PARVB: variants seen among roughly 807,000 people sequenced by gnomAD.
The protein encoded by PARVB is parvin beta, also known as beta-parvin.
PARVB carries 46 observed loss-of-function variants against 47.0 expected under a neutral mutation model. The ratio of observed to expected loss-of-function variants is 0.98; its 90% confidence interval spans 0.77 to 1.25. The LOEUF (loss-of-function observed/expected upper bound fraction) is 1.25. Ranked by LOEUF, PARVB falls within the 50% of genes most tolerant of loss-of-function variation. The probability of loss-of-function intolerance (pLI) is 0.00; values close to 1 mark genes in which losing one functional copy is unlikely to be tolerated. For missense variants in PARVB, 473 were observed against 471.6 expected (o/e 1.00, Z -0.03); for synonymous variants, 196 against 196.3 (o/e 1.00, Z 0.01).
chr22:44,147,958 C>A lies in PARVB; in HGVS notation c.774+36C>A, dbSNP rs763967597. The A allele has an allele frequency of 1.8e-5, 28 of 1,575,066 alleles. No individual in the cohort carries two copies. The Admixed American group carries it at 4.0e-4, about 23-fold the overall frequency. On this transcript the variant is annotated intron_variant, in intron 9 of 12. Coordinates refer to ENST00000338758, the MANE Select transcript of PARVB (RefSeq NM_013327.5). The stretch of plus-strand genomic sequence containing the variant: ...GGTGGGATGTTGGATGTGCTCTCCC[C>A]TGGCTCGCGGCTTTTTGACAGCACA...
intron 1 of PARVB, among the ~76,000 whole-genome samples, chr22:44,087,715 A>G (rs2052057886): frequency 6.6e-6 from 1 of 152,164 alleles, no homozygotes; most frequent in Non-Finnish European, 1.5e-5. Flanking sequence ...GATTAAAAAA[A>G]AAAAAATCAA....
intron 3 of PARVB, among the ~76,000 whole-genome samples, chr22:44,118,161 A>G (rs2052954303): frequency 6.6e-6 from 1 of 152,224 alleles, no homozygotes; most frequent in Admixed American, 6.5e-5. Flanking sequence ...AACCGAAATA[A>G]CCATCAACCA....
chr22:44,154,077 C>T (rs1198117298), intron 10 of PARVB, among the ~76,000 whole-genome samples: 1 of 152,228 alleles, frequency 6.6e-6, no homozygotes, highest in Non-Finnish European at 1.5e-5. Flanking sequence ...ACTGCTCCCC[C>T]ACATCCATAC....
chr22:44,157,063 G>C (rs565663999), intron 10 of PARVB, among the ~76,000 whole-genome samples: 2 of 152,340 alleles, frequency 1.3e-5, no homozygotes, highest in South Asian at 4.1e-4. Flanking sequence ...AAATAAGTTA[G>C]CAACATTCAA....
intron 10 of PARVB, among the ~76,000 whole-genome samples, chr22:44,154,542 T>TGTGG: frequency 6.7e-6 from 1 of 150,116 alleles, no homozygotes; most frequent in South Asian, 2.1e-4. Flanking sequence ...TGGGTGTGTG[T>TGTGG]GTGTGTGTGT....
At chr22:44,158,354 C>T (rs186082652) in intron 11 of PARVB, among the ~76,000 whole-genome samples, 11 of 152,318 alleles carry the variant, frequency 7.2e-5, no homozygotes, top group African/African-American at 9.6e-5. Flanking sequence ...GATCACATCT[C>T]GGTAGAGTTG....
intron 12 of PARVB, chr22:44,168,305 T>G: frequency 2.9e-6 from 1 of 343,294 alleles, no homozygotes; most frequent in Non-Finnish European, 5.5e-6. Flanking sequence ...CCCCAACCGG[T>G]TCTTAGACAT....
rs562809133 is a variant in PARVB, at chr22:44,018,428, C to T, written c.211+18755C>T. On this transcript the variant is annotated intron_variant, in intron 2 of 13. Coordinates refer to the PARVB transcript ENST00000406477. ...AAACAAACAAACAAAAAACTAACCA[C>T]ATGCTCGATGTTTCTGTGTCTTCCC... Among the ~76,000 whole-genome samples, 14 of 152,194 alleles carry T rather than the reference C, an allele frequency of 9.2e-5. No individual in the cohort carries two copies. In the South Asian group the frequency reaches 2.7e-3, roughly 29 times the overall value.
intron 2 of PARVB, among the ~76,000 whole-genome samples, chr22:44,005,708 G>A (rs2146845935): frequency 6.6e-6 from 1 of 152,226 alleles, no homozygotes; most frequent in South Asian, 2.1e-4. Context: ...GATGAAAAAT[G>A]GGAAGTTCCT....
chr22:44,044,279 C>T (rs557289157), intron 1 of PARVB, among the ~76,000 whole-genome samples: 1 of 151,544 alleles, frequency 6.6e-6, no homozygotes, highest in Non-Finnish European at 1.5e-5. Flanking sequence ...TAAGCTCTGC[C>T]TCCTGGGTTC....
At chr22:44,060,069 C>T (rs1009180559) in intron 1 of PARVB, among the ~76,000 whole-genome samples, 1 of 152,184 alleles carries the variant, frequency 6.6e-6, no homozygotes, top group Non-Finnish European at 1.5e-5. Flanking sequence ...CATCCTAGCA[C>T]TTTGGAAGGC....
intron 2 of PARVB, among the ~76,000 whole-genome samples, chr22:44,010,799 A>G (rs141923341): frequency 6.6e-6 from 1 of 152,184 alleles, no homozygotes; most frequent in Non-Finnish European, 1.5e-5. Flanking sequence ...GACCAAAAAA[A>G]TCAAAAATTT....
chr22:44,130,526 T>G (rs1057305531), intron 4 of PARVB, among the ~76,000 whole-genome samples: 4 of 152,254 alleles, frequency 2.6e-5, no homozygotes, highest in Non-Finnish European at 2.9e-5. Flanking sequence ...CCGGATTGTT[T>G]CCTGTTCATT....
rs935152859 is a variant in PARVB, at chr22:44,103,823, G to C, written c.273+3700G>C. The C allele has an allele frequency of 6.6e-5, 10 of 152,232 alleles. No individual in the cohort carries two copies. Among genetic ancestry groups the C allele is most frequent in the African/African-American group, 2.4e-4 (10 of 41,448 alleles). The allele number at this position is 152,232 out of a possible 1,614,324, so 9.4% of individuals were successfully genotyped here. A position where few individuals can be genotyped will look rare whatever the true frequency, so the allele number is the denominator to read the frequency against. On this transcript the variant is annotated intron_variant, in intron 3 of 12. Coordinates refer to ENST00000338758, the MANE Select transcript of PARVB (RefSeq NM_013327.5). This position sits in a 1 kb window ranked among gnomAD's most constrained non-coding sequence, Gnocchi z 4.6. The stretch of plus-strand genomic sequence containing the variant: ...TGGATGCAGGCGGCCTCTGCCTCTA[G>C]AAGTGGAAAAGACAAAGAAATGGAT...
intron 1 of PARVB, among the ~76,000 whole-genome samples, chr22:44,034,013 C>T (rs1222251156): frequency 2.6e-5 from 4 of 151,398 alleles, no homozygotes; most frequent in Non-Finnish European, 2.9e-5. Flanking sequence ...AGGTCCGGGG[C>T]GGGGCCTCAT....
At chr22:44,122,388 A>G (rs937146645) in intron 4 of PARVB, among the ~76,000 whole-genome samples, 1 of 152,120 alleles carries the variant, frequency 6.6e-6, no homozygotes, top group African/African-American at 2.4e-5. Context: ...CAGGAGGCTG[A>G]GGCAGGAGGA....
At chr22:44,041,671 C>T (rs1460029896) in intron 1 of PARVB, among the ~76,000 whole-genome samples, 1 of 151,846 alleles carries the variant, frequency 6.6e-6, no homozygotes, top group African/African-American at 2.4e-5. Context: ...ATTGCTTGAG[C>T]CCAGGAGTTT....
chr22:44,059,039 C>CTTT (rs11296450), intron 1 of PARVB, among the ~76,000 whole-genome samples: 5 of 73,066 alleles, frequency 6.8e-5, no homozygotes, highest in Admixed American at 1.7e-4. Flanking sequence ...CACCCTGTGG[C>CTTT]TTTTTTTTTT....
intron 1 of PARVB, among the ~76,000 whole-genome samples, chr22:44,048,351 A>G (rs1395846337): frequency 2.6e-5 from 4 of 152,152 alleles, no homozygotes; most frequent in African/African-American, 9.7e-5. Context: ...TTGGGGGCAC[A>G]TGAACTGAGG....
Sources: gnomAD v4.1 joint callset for allele counts (sites outside exome capture counted in the v4.1 genomes callset) on GRCh38, gnomAD v4.1.1 for gene constraint, Gnocchi (gnomAD v3.1) non-coding constraint, MANE v1.5 for transcripts, NCBI Gene and HGNC (gene_info 2026-07-23, HGNC 2026-07-21) for gene names.